SLC25A14: variants seen among roughly 807,000 people sequenced by gnomAD.
The protein encoded by SLC25A14 is brain mitochondrial carrier protein 1.
In SLC25A14, 8 loss-of-function variants were observed where a neutral mutation model predicts 28.1. The observed-to-expected ratio is 0.28, with a 90% confidence interval of 0.17 to 0.51. The LOEUF is 0.51. Ranked by LOEUF, SLC25A14 falls within the 20% of genes least tolerant of loss-of-function variation. The pLI is 0.97. For synonymous variants in SLC25A14, 74 were observed against 90.6 expected (o/e 0.82, Z 1.04); for missense variants, 135 against 263.8 (o/e 0.51, Z 3.38).
intron 7 of SLC25A14, among the ~76,000 whole-genome samples, chrX:130,363,776 C>G (rs766397383): frequency 4.5e-5 from 5 of 111,392 alleles, no homozygotes; most frequent in African/African-American, 1.6e-4. Context: ...CTGTGTTGCC[C>G]AAGCTGGAAT....
chrX:130,369,987 T>C (rs1165104911), intron 9 of SLC25A14, among the ~76,000 whole-genome samples: 1 of 112,052 alleles, frequency 8.9e-6, no homozygotes, highest in East Asian at 2.8e-4. Context: ...TAAAAGTCCA[T>C]TGTGGTAGTC....
chrX:130,370,845 A>G (rs1388973248), intron 9 of SLC25A14, among the ~76,000 whole-genome samples: 2 of 112,342 alleles, frequency 1.8e-5, no homozygotes, highest in Non-Finnish European at 3.8e-5. Flanking sequence ...CTGTGTAACA[A>G]ATTACTCCAA....
chrX:130,347,515 C>A (rs748743483), intron 4 of SLC25A14, among the ~76,000 whole-genome samples: 1 of 111,500 alleles, frequency 9.0e-6, no homozygotes, highest in Non-Finnish European at 1.9e-5. Context: ...TCTATTTATA[C>A]CTCCTACAGT....
chrX:130,340,913 A>G (rs2033238035), intron 2 of SLC25A14, among the ~76,000 whole-genome samples: 1 of 110,714 alleles, frequency 9.0e-6, no homozygotes, highest in African/African-American at 3.3e-5. Flanking sequence ...AAGCCTTTCA[A>G]CATAACATGC....
At chrX:130,353,059 T>C (rs1415017954) in intron 6 of SLC25A14, among the ~76,000 whole-genome samples, 1 of 112,382 alleles carries the variant, frequency 8.9e-6, no homozygotes, top group East Asian at 2.8e-4. Context: ...TACATTTAAA[T>C]CTTTAATCTG....
chrX:130,346,431 T>A (rs1603256362), intron 3 of SLC25A14, 113 bp from the exon 4 acceptor site: 1 of 588,148 alleles, frequency 1.7e-6, no homozygotes, highest in East Asian at 3.3e-5. Flanking sequence ...CTCTTCTATG[T>A]GTTATAAAAA....
intron 6 of SLC25A14, 55 bp from the exon 7 acceptor site, chrX:130,358,585 T>G: frequency 1.3e-6 from 1 of 764,650 alleles, no homozygotes; most frequent in Non-Finnish European, 2.0e-6. Flanking sequence ...TTAAAATGAA[T>G]TTAGCATTTT....
chrX:130,356,083 C>T (rs2124758468), intron 6 of SLC25A14, among the ~76,000 whole-genome samples: 1 of 111,158 alleles, frequency 9.0e-6, no homozygotes, highest in East Asian at 2.8e-4. Context: ...TCCTGTCAAT[C>T]CTTCATCTAA....
At chrX:130,342,298 G>T (rs1486848002) in intron 2 of SLC25A14, among the ~76,000 whole-genome samples, 1 of 111,985 alleles carries the variant, frequency 8.9e-6, no homozygotes, top group Non-Finnish European at 1.9e-5. Context: ...TTATGTAAAA[G>T]ACTTGGAGGT....
intron 7 of SLC25A14, among the ~76,000 whole-genome samples, chrX:130,363,511 C>T (rs1430416883): frequency 8.9e-6 from 1 of 112,014 alleles, no homozygotes; most frequent in African/African-American, 3.2e-5. Context: ...ATGAACATTT[C>T]TGTACACATT....
At position 130,373,209 on chromosome X, in the gene SLC25A14, G is replaced by C; in HGVS notation, c.*259G>C. 1 of 319,652 alleles carries C rather than the reference G, an allele frequency of 3.1e-6. No homozygotes were observed. The highest frequency in any genetic ancestry group is 5.3e-6 in the Non-Finnish European group (1 of 187,461). The allele number at this position is 319,652 out of a possible 1,213,427, so 26.3% of individuals were successfully genotyped here. Reference sequence around the variant, plus strand: ...TCTTCTATGAAGATGGATACTGATGGGTGACATTGAAAACGGCCTGCTTTC... The same window carrying C: ...TCTTCTATGAAGATGGATACTGATGCGTGACATTGAAAACGGCCTGCTTTC... On this transcript the variant is annotated 3_prime_UTR_variant, in exon 11 of 11. Transcript: ENST00000545805.
chrX:130,364,874 C>T, intron 8 of SLC25A14, 122 bp downstream of exon 8: 2 of 1,094,439 alleles, frequency 1.8e-6, no homozygotes, highest in Non-Finnish European at 2.4e-6. Context: ...CCTTGTCTCT[C>T]CTATTATCAG....
chrX:130,360,811 C>T lies in SLC25A14; in HGVS notation c.594+2076C>T, dbSNP rs185909984. Among the ~76,000 whole-genome samples, 6 of 111,678 alleles carry T rather than the reference C, an allele frequency of 5.4e-5. No individual in the cohort carries two copies. In the East Asian group the frequency reaches 1.7e-3, roughly 31 times the overall value. ...AAAAGTAGACATAACATAAAATTTA[C>T]CATCTTAACCATTTTTGATGGTTCA... is the stretch of plus-strand genomic sequence containing the variant. On this transcript the variant is annotated intron_variant, in intron 7 of 10. Coordinates refer to ENST00000545805, the MANE Select transcript of SLC25A14 (RefSeq NM_001282195.2).
chrX:130,344,969 C>T (rs779006494), intron 2 of SLC25A14, among the ~76,000 whole-genome samples: 9 of 111,561 alleles, frequency 8.1e-5, no homozygotes, highest in Non-Finnish European at 1.3e-4. Context: ...CTGAGTGAAT[C>T]ACACGCCTAC....
At chrX:130,352,226 T>C (rs920623068) in intron 6 of SLC25A14, among the ~76,000 whole-genome samples, 1 of 112,040 alleles carries the variant, frequency 8.9e-6, no homozygotes, top group African/African-American at 3.2e-5. Context: ...GCTCAATCCA[T>C]GTTACTGCAA....
At chrX:130,364,868 G>A in intron 8 of SLC25A14, 116 bp downstream of exon 8, 1 of 1,105,284 alleles carries the variant, frequency 9.0e-7, no homozygotes, top group Non-Finnish European at 1.2e-6. Flanking sequence ...AAATTCCCTT[G>A]TCTCTCCTAT....
Position 130,359,121 on chromosome X carries a change from C to T in SLC25A14, c.594+386C>T, listed in dbSNP as rs188202513. ...TAATCCCAGCACTTTGGGAGGCCAACGCGGGTGGATCACTTGAGGTCAGAA... is the reference window on the plus strand; with the variant it reads ...TAATCCCAGCACTTTGGGAGGCCAATGCGGGTGGATCACTTGAGGTCAGAA... On this transcript the variant is annotated intron_variant, in intron 7 of 10. Coordinates refer to ENST00000545805, the MANE Select transcript of SLC25A14 (RefSeq NM_001282195.2). The T allele has an allele frequency of 1.8e-5, 12 of 658,932 alleles. No homozygotes were observed. In the Admixed American group the frequency reaches 2.2e-4, roughly 12 times the overall value. 54.3% of individuals were successfully genotyped at this position (658,932 alleles called of 1,213,427 possible).
chrX:130,371,243 G>T (rs1205165301), intron 9 of SLC25A14, among the ~76,000 whole-genome samples: 1 of 111,729 alleles, frequency 9.0e-6, no homozygotes, highest in South Asian at 3.7e-4. Flanking sequence ...ATACTATGGG[G>T]TGGAGGCTAC....
chrX:130,373,069 G>A lies in SLC25A14; in HGVS notation c.*119G>A. On this transcript the variant is annotated 3_prime_UTR_variant, in exon 11 of 11. Transcript: ENST00000545805. ...TTACCAAGCCGTTGGTCTCCTAAGG[G>A]CCTCCTGATGGAAGAACAGTGGGGT... is the stretch of plus-strand genomic sequence containing the variant. 3.9e-6 allele frequency: 2 copies of A among 514,133 alleles called. No individual in the cohort carries two copies. The highest frequency in any genetic ancestry group is 3.4e-5 in the South Asian group (1 of 29,504). 42.4% of individuals were successfully genotyped at this position (514,133 alleles called of 1,213,427 possible).
Sources: allele counts gnomAD v4.1 joint callset (sites outside exome capture counted in the v4.1 genomes callset), GRCh38; gene constraint gnomAD v4.1.1; transcripts MANE v1.5; gene names NCBI Gene and HGNC (gene_info 2026-07-23, HGNC 2026-07-21).